Variants in HIF3A observed in about 807,000 individuals in gnomAD.
HIF3A encodes hypoxia inducible factor 3 subunit alpha.
A neutral mutation model predicts 67.2 loss-of-function variants in HIF3A; 41 were observed. That is an observed-to-expected ratio of 0.61 (90% confidence interval 0.48 to 0.79). HIF3A has a LOEUF of 0.79. HIF3A is among the 30% of genes least tolerant of loss of function. The probability of loss-of-function intolerance (pLI) is 0.00; values close to 1 mark genes in which losing one functional copy is unlikely to be tolerated. For missense variants in HIF3A, 855 were observed against 898.0 expected, an observed-to-expected ratio of 0.95 and a Z score of 0.61; for synonymous variants, 356 against 374.8, an observed-to-expected ratio of 0.95 and a Z score of 0.58.
chr19:46,312,732 TGTGTGC>T, intron 8 of HIF3A, 79 bp downstream of exon 8: 2 of 1,507,020 alleles, frequency 1.3e-6, no homozygotes, highest in African/African-American at 2.8e-5. Context: ...TGTGTGTGTG[TGTGTGC>T]GTATGAGCAT....
intron 1 of HIF3A, 68 bp from the exon 2 acceptor site, chr19:46,303,830 A>G (rs1156844948): frequency 1.4e-5 from 22 of 1,544,762 alleles, no homozygotes; most frequent in Non-Finnish European, 1.8e-5. Context: ...GCAGCTCCCC[A>G]CGTGCTCGTC....
chr19:46,309,894 T>C (rs1969280287), intron 6 of HIF3A, among the ~76,000 whole-genome samples: 1 of 151,564 alleles, frequency 6.6e-6, no homozygotes, highest in Non-Finnish European at 1.5e-5. Flanking sequence ...CAAGACCAGC[T>C]TGGACAACAT....
chr19:46,305,496 A>G, intron 3 of HIF3A, 106 bp downstream of exon 3: 1 of 1,066,278 alleles, frequency 9.4e-7, no homozygotes, highest in East Asian at 2.6e-5. Context: ...TCACAATACA[A>G]AGGGGATATA....
At position 46,320,508 on chromosome 19, in the gene HIF3A, T is replaced by C. The variant is rs1469886284; in HGVS notation, c.1091T>C (p.Ile364Thr). Reference sequence around the variant, plus strand: ...ACGGAGCAACACTCTCGCAGACCCATTCAGCGGGGCGCCCCCTCTCAGAAG... The same window carrying C: ...ACGGAGCAACACTCTCGCAGACCCACTCAGCGGGGCGCCCCCTCTCAGAAG... The part of the protein sequence containing the change: ...EQTEQHSRRP[I>T]QRGAPSQKDT... Residue 364 changes from isoleucine (I) to threonine (T), a missense_variant, in exon 9 of 15, where the codon ATT becomes ACT. Physicochemically the swap from Ile to Thr is moderately conservative, Grantham distance 89. Transcript: ENST00000377670. 6.2e-7 allele frequency: 1 copy of C among 1,614,096 alleles called. No individual in the cohort carries two copies. The highest frequency in any genetic ancestry group is 2.2e-5 in the East Asian group (1 of 44,856).
chr19:46,303,706 A>C lies in HIF3A; in HGVS notation c.27-192A>C, dbSNP rs749166949. The C allele has an allele frequency of 1.0e-5, 16 of 1,573,210 alleles. No homozygotes were observed. The African/African-American group carries it at 1.3e-4, about 13-fold the overall frequency. On this transcript the variant is annotated intron_variant, in intron 1 of 14. Coordinates refer to ENST00000377670, the MANE Select transcript of HIF3A (RefSeq NM_152795.4). ...ACCACAGGTAAAATCAGGGCTAGGA[A>C]GGGCTCCACAGTGTAGCCCTTCCAG...
intron 14 of HIF3A, among the ~76,000 whole-genome samples, chr19:46,339,036 T>C (rs1971824672): frequency 6.6e-6 from 1 of 152,094 alleles, no homozygotes; most frequent in South Asian, 2.1e-4. Flanking sequence ...TCCCTTCTTC[T>C]CCTCTTTTCC....
At chr19:46,318,321 G>A (rs11083818) in intron 8 of HIF3A, among the ~76,000 whole-genome samples, 136,297 of 151,618 alleles carry the variant, frequency 0.9, 61,367 homozygotes, top group Non-Finnish European at 0.93. Flanking sequence ...TAATCCCAAC[G>A]CTTTGGGAGG....
chr19:46,308,381 C>T, intron 4 of HIF3A, 76 bp downstream of exon 4: 3 of 895,900 alleles, frequency 3.3e-6, no homozygotes, highest in Non-Finnish European at 5.4e-6. Context: ...CAGCATATCC[C>T]CACCTCCTGT....
chr19:46,312,237 T>C lies in HIF3A; in HGVS notation c.847T>C (p.Ser283Pro). ...SAYEYIHALD[S>P]DAVSKSIHTL... ...CTACGAGTACATCCACGCGCTGGACTCCGATGCGGTCAGCAAGAGCATCCA... is the reference window on the plus strand; with the variant it reads ...CTACGAGTACATCCACGCGCTGGACCCCGATGCGGTCAGCAAGAGCATCCA... The change falls in exon 7 of 15, where the codon TCC (serine) becomes CCC (proline). Residue 283 changes from serine (S) to proline (P), a missense_variant. This residue lies in a region of HIF3A where 638 missense variants were observed against 660.5 expected (regional missense o/e 0.97). Coordinates refer to ENST00000377670, the MANE Select transcript of HIF3A (RefSeq NM_152795.4). 1 of 1,613,890 alleles carries C rather than the reference T, an allele frequency of 6.2e-7. No homozygotes were observed. The highest frequency in any genetic ancestry group is 8.5e-7 in the Non-Finnish European group (1 of 1,179,954).
At chr19:46,333,306 G>A (rs1207248891) in intron 13 of HIF3A, among the ~76,000 whole-genome samples, 3 of 152,182 alleles carry the variant, frequency 2.0e-5, no homozygotes, top group Non-Finnish European at 2.9e-5. Flanking sequence ...TGTTAACATA[G>A]TGTAGGGAAA....
intron 9 of HIF3A, 96 bp downstream of exon 9, chr19:46,320,657 C>A: frequency 1.3e-6 from 1 of 798,788 alleles, no homozygotes; most frequent in Non-Finnish European, 2.1e-6. Flanking sequence ...CCCTGTGGGA[C>A]CTGCCTCCTG....
chr19:46,300,390 G>A (rs1432708110), intron 1 of HIF3A, among the ~76,000 whole-genome samples: 1 of 152,188 alleles, frequency 6.6e-6, no homozygotes, highest in African/African-American at 2.4e-5. Context: ...GCCGGGCGCG[G>A]TGGCTCATGC....
chr19:46,314,575 G>T, intron 8 of HIF3A, among the ~76,000 whole-genome samples: 1 of 145,370 alleles, frequency 6.9e-6, no homozygotes, highest in African/African-American at 2.5e-5. Context: ...TATTTTTTTT[G>T]AGACAGAGTT....
chr19:46,311,639 A>G (rs553879980), intron 6 of HIF3A, among the ~76,000 whole-genome samples: 2 of 152,136 alleles, frequency 1.3e-5, no homozygotes, highest in South Asian at 4.2e-4. Context: ...CTAAAGCAGG[A>G]AGATTGAGCC....
chr19:46,312,628 A>G lies in HIF3A; in HGVS notation c.1000A>G (p.Ile334Val). 6.4e-7 allele frequency: 1 copy of G among 1,573,690 alleles called. No homozygotes were observed. The highest frequency in any genetic ancestry group is 8.6e-7 in the Non-Finnish European group (1 of 1,159,140). Residue 334 changes from isoleucine (I) to valine (V), a missense_variant, in exon 8 of 15, where the codon ATC becomes GTC. Coordinates refer to ENST00000377670, the MANE Select transcript of HIF3A (RefSeq NM_152795.4). ...GGGACGGGGCCCCCAGTCGGAGAGTATCGTCTGTGTCCATTTTTTAATCAG... is the reference window on the plus strand; with the variant it reads ...GGGACGGGGCCCCCAGTCGGAGAGTGTCGTCTGTGTCCATTTTTTAATCAG... ...SGGRGPQSES[I>V]VCVHFLISQV...
chr19:46,333,093 A>G (rs1971356737), intron 13 of HIF3A, among the ~76,000 whole-genome samples: 1 of 152,020 alleles, frequency 6.6e-6, no homozygotes, highest in South Asian at 2.1e-4. Context: ...TTAAGTGCCT[A>G]CCATGTGCCA....
rs1246158469 is a variant in HIF3A, at chr19:46,341,089, T to C, written c.*1467T>C. 1 of 152,210 alleles carries C rather than the reference T, an allele frequency of 6.6e-6. No homozygotes were observed. Among genetic ancestry groups the C allele is most frequent in the Non-Finnish European group, 1.5e-5 (1 of 68,072 alleles). The allele number at this position is 152,210 out of a possible 1,614,324, so 9.4% of individuals were successfully genotyped here. A position where few individuals can be genotyped will look rare whatever the true frequency, so the allele number is the denominator to read the frequency against. On this transcript the variant is annotated 3_prime_UTR_variant, in exon 15 of 15. Coordinates refer to ENST00000377670, the MANE Select transcript of HIF3A (RefSeq NM_152795.4). ...CGCCCTCCGGTTCCAGATCTTATAT[T>C]CAGTGATTTCCTCTGGTTCTGGACC...
intron 6 of HIF3A, among the ~76,000 whole-genome samples, chr19:46,310,908 G>A (rs1969373502): frequency 6.6e-6 from 1 of 152,010 alleles, no homozygotes; most frequent in Non-Finnish European, 1.5e-5. Flanking sequence ...CTGCCACCAT[G>A]CCTGGCTACT....
chr19:46,297,144 T>G lies in HIF3A; in HGVS notation c.26+42T>G. ...GCAGGAGTTCTGGGAATTGGGGGGC[T>G]CTCCTCCTGGAGACCCCTGAGCTGG... On this transcript the variant is annotated intron_variant, in intron 1 of 14. Coordinates refer to ENST00000377670, the MANE Select transcript of HIF3A (RefSeq NM_152795.4). This position sits in a 1 kb window ranked among gnomAD's most constrained non-coding sequence, Gnocchi z 4.5. 1 of 449,152 alleles carries G rather than the reference T, an allele frequency of 2.2e-6. No homozygotes were observed. Among genetic ancestry groups the G allele is most frequent in the Non-Finnish European group, 3.4e-6 (1 of 290,388 alleles). 27.8% of individuals were successfully genotyped at this position (449,152 alleles called of 1,614,324 possible).
Sources: allele counts gnomAD v4.1 joint callset (sites outside exome capture counted in the v4.1 genomes callset), GRCh38; gene constraint gnomAD v4.1.1; regional missense constraint gnomAD v4.1.1; non-coding constraint Gnocchi (gnomAD v3.1); transcripts MANE v1.5; gene names NCBI Gene and HGNC (gene_info 2026-07-23, HGNC 2026-07-21).